The following KDR variants were observed in gnomAD, a reference collection of about 807,000 sequenced individuals.
KDR encodes the protein vascular endothelial growth factor receptor 2.
A neutral mutation model predicts 160.9 loss-of-function variants in KDR; 43 were observed. That is an observed-to-expected ratio of 0.27 (90% CI 0.21 to 0.34). The LOEUF (loss-of-function observed/expected upper bound fraction) is 0.34, where lower values mean the gene tolerates loss of function less well. Among genes scored for constraint, KDR ranks in the 10% least tolerant of loss-of-function variants. The pLI, the probability that KDR is intolerant of heterozygous loss-of-function variation, is 1.00. For missense variants in KDR, 1,469 were observed against 1,666.4 expected (o/e 0.88, Z 2.06); for synonymous variants, 617 against 600.1 (o/e 1.03, Z -0.41).
At chr4:55,099,901 G>A (rs1011819884) in intron 15 of KDR, among the ~76,000 whole-genome samples, 7 of 152,158 alleles carry the variant, frequency 4.6e-5, no homozygotes, top group African/African-American at 9.7e-5. Context: ...AGCACATCAC[G>A]CATGGCCTGG....
chr4:55,110,311 C>G, intron 9 of KDR, 92 bp downstream of exon 9: 1 of 1,309,502 alleles, frequency 7.6e-7, no homozygotes, highest in Admixed American at 1.7e-5. Context: ...ATGAGTGAAG[C>G]AGCAGGAGGC....
Position 55,089,938 on chromosome 4 carries a change from T to G in KDR, c.3192+18A>C, listed in dbSNP as rs1392094496. On this transcript the variant is annotated intron_variant, in intron 23 of 29. Transcript: ENST00000263923. ...TTCTGTTACTTAACCAAGCACTGGG[T>G]TCATATTTGAAACTTACATCTCCTT... 6.2e-7 allele frequency: 1 copy of G among 1,613,946 alleles called. No homozygotes were observed. Among genetic ancestry groups the G allele is most frequent in the Admixed American group, 1.7e-5 (1 of 60,018 alleles).
intron 9 of KDR, 137 bp downstream of exon 9, chr4:55,110,266 G>T: frequency 1.1e-6 from 1 of 888,866 alleles, no homozygotes; most frequent in Non-Finnish European, 1.9e-6. Flanking sequence ...GCTTCACCAC[G>T]CCAGATGACT....
chr4:55,096,561 A>G (rs899920917), intron 18 of KDR: 1 of 571,296 alleles, frequency 1.8e-6, no homozygotes, highest in East Asian at 2.9e-5. Flanking sequence ...AAAGTTTGAT[A>G]TTTAAAGGAA....
At chr4:55,102,085 T>C (rs893723267) in intron 14 of KDR, 57 bp from the exon 15 acceptor site, 11 of 1,610,300 alleles carry the variant, frequency 6.8e-6, no homozygotes, top group Non-Finnish European at 9.3e-6. Flanking sequence ...TGTGAAGTTT[T>C]TCAGGGAAAT....
At chr4:55,117,460 G>A (rs1272524585) in intron 3 of KDR, among the ~76,000 whole-genome samples, 2 of 152,180 alleles carry the variant, frequency 1.3e-5, no homozygotes, top group Admixed American at 6.5e-5. Flanking sequence ...GAGGGAAGGA[G>A]GAGGGCACAG....
chr4:55,123,924 G>T (rs1720960723), intron 1 of KDR, among the ~76,000 whole-genome samples: 1 of 152,174 alleles, frequency 6.6e-6, no homozygotes, highest in African/African-American at 2.4e-5. Flanking sequence ...CCGGCCTGCC[G>T]TTACTACTAC....
At chr4:55,120,396 T>C (rs1051659103) in intron 2 of KDR, among the ~76,000 whole-genome samples, 5 of 152,134 alleles carry the variant, frequency 3.3e-5, no homozygotes, top group Non-Finnish European at 7.4e-5. Flanking sequence ...CTATCTTTCG[T>C]CCTGGGGTAA....
In KDR at chr4:55,096,306, G is replaced by C; in HGVS notation, c.2651C>G (p.Ser884Cys). Residue 884 changes from serine (S) to cysteine (C), a missense_variant, in exon 19 of 30, where the codon TCT becomes TGT. Physicochemically the swap from Ser to Cys is moderately radical, Grantham distance 112. This residue lies in a region of KDR where 151 missense variants were observed against 207.2 expected (regional missense o/e 0.73). Coordinates refer to ENST00000263923, the MANE Select transcript of KDR (RefSeq NM_002253.4). ...AATATGAATGAGGATCTTGAGTTCA[G>C]ACATGAGAGCTCGATGCTCACTGTG... ...ATHSEHRALMSELKILIHIGH... is the reference protein window; with the variant it reads ...ATHSEHRALMCELKILIHIGH... 1 of 1,613,450 alleles carries C rather than the reference G, an allele frequency of 6.2e-7. No individual in the cohort carries two copies. The highest frequency in any genetic ancestry group is 8.5e-7 in the Non-Finnish European group (1 of 1,179,558).
At chr4:55,104,000 A>G (rs1339205869) in intron 13 of KDR, among the ~76,000 whole-genome samples, 1 of 152,156 alleles carries the variant, frequency 6.6e-6, no homozygotes, top group East Asian at 1.9e-4. Flanking sequence ...CACTGAAGTG[A>G]TCGTCCCATT....
intron 22 of KDR, 55 bp downstream of exon 22, chr4:55,092,562 T>A (rs1720045647): frequency 7.8e-7 from 1 of 1,290,174 alleles, no homozygotes; most frequent in Admixed American, 1.7e-5. Flanking sequence ...CTGGACATCT[T>A]ATTTCCAAAC....
intron 13 of KDR, among the ~76,000 whole-genome samples, chr4:55,102,979 G>A (rs1720352321): frequency 6.6e-6 from 1 of 152,146 alleles, no homozygotes; most frequent in African/African-American, 2.4e-5. Flanking sequence ...GTGATCTTAT[G>A]TAATGAGCAG....
Position 55,089,733 on chromosome 4 carries a change from C to T in KDR, c.3262G>A (p.Val1088Ile), listed in dbSNP as rs763851452. The T allele has an allele frequency of 2.1e-5, 34 of 1,613,894 alleles. No homozygotes were observed. Among genetic ancestry groups the T allele is most frequent in the Middle Eastern group, 1.6e-4 (1 of 6,076 alleles). Residue 1088 changes from valine (V) to isoleucine (I), a missense_variant, in exon 24 of 30, where the codon GTC becomes ATC. By Grantham distance (29) the Val-to-Ile change is conservative. Around this residue, in one of 7 missense-constraint regions of KDR, gnomAD observed 132 missense variants for 195.9 expected, o/e 0.67. Coordinates refer to ENST00000263923, the MANE Select transcript of KDR (RefSeq NM_002253.4). ...CACAGCAAAACACCAAAAGACCAGA[C>T]GTCACTCTGGATTGTGTACACTCTG... Reference protein sequence around the residue: ...FDRVYTIQSDVWSFGVLLWEI... With the variant: ...FDRVYTIQSDIWSFGVLLWEI...
intron 22 of KDR, 114 bp downstream of exon 22, chr4:55,092,503 T>C (rs1720043753): frequency 1.3e-6 from 1 of 784,510 alleles, no homozygotes; most frequent in Non-Finnish European, 2.3e-6. Flanking sequence ...CTAAAAGACG[T>C]AGAAGTGGTG....
At chr4:55,115,223 T>G in intron 4 of KDR, 58 bp downstream of exon 4, 1 of 1,463,098 alleles carries the variant, frequency 6.8e-7, no homozygotes, top group Non-Finnish European at 9.6e-7. Context: ...GTTACCCATC[T>G]TAATATTAGC....
chr4:55,104,332 C>T (rs1254056727), intron 13 of KDR, among the ~76,000 whole-genome samples: 2 of 152,160 alleles, frequency 1.3e-5, no homozygotes, highest in East Asian at 3.9e-4. Context: ...TCATAGCAGG[C>T]ATTCCACAAA....
chr4:55,089,593 G>T, intron 24 of KDR, 98 bp downstream of exon 24: 1 of 1,361,168 alleles, frequency 7.3e-7, no homozygotes, highest in Non-Finnish European at 1.0e-6. Flanking sequence ...AAGCTTCCGA[G>T]AAGTTTTGCC....
chr4:55,124,836 C>G (rs1720989321), intron 1 of KDR, among the ~76,000 whole-genome samples: 1 of 152,156 alleles, frequency 6.6e-6, no homozygotes, highest in African/African-American at 2.4e-5. Flanking sequence ...CGGGCCCGGA[C>G]TAGGATGTTG....
chr4:55,081,991 A>C lies in KDR; in HGVS notation c.3813T>G (p.Thr1271=). The change falls in exon 29 of 30, where the codon ACT becomes ACG. Residue 1271 remains threonine, a synonymous_variant. Transcript: ENST00000263923. ...GMVLASEELK[T]LEDRTKLSPS... ...GAGATAATTTGGTTCTGTCTTCCAAAGTTTTCAGCTCTTCTGAGGCAAGAA... is the reference window on the plus strand; with the variant it reads ...GAGATAATTTGGTTCTGTCTTCCAACGTTTTCAGCTCTTCTGAGGCAAGAA... 1 of 1,613,974 alleles carries C rather than the reference A, an allele frequency of 6.2e-7. No individual in the cohort carries two copies.
Sources: gnomAD v4.1 joint callset for allele counts (sites outside exome capture counted in the v4.1 genomes callset) on GRCh38, gnomAD v4.1.1 for gene constraint, gnomAD v4.1.1 regional missense constraint, MANE v1.5 for transcripts, NCBI Gene and HGNC (gene_info 2026-07-23, HGNC 2026-07-21) for gene names.